EFTUD2: variants seen among roughly 807,000 people sequenced by gnomAD.
EFTUD2 encodes 116 kDa U5 small nuclear ribonucleoprotein component.
Under a neutral mutation model 114.3 loss-of-function variants are expected in EFTUD2, and 9 were observed. The ratio of observed to expected loss-of-function variants is 0.08; its 90% CI spans 0.05 to 0.14. The LOEUF (loss-of-function observed/expected upper bound fraction) is 0.14, where lower values mean the gene tolerates loss of function less well. EFTUD2 is among the 10% of genes least tolerant of loss of function. The probability of loss-of-function intolerance (pLI) is 1.00; values close to 1 mark genes in which losing one functional copy is unlikely to be tolerated. For synonymous variants in EFTUD2, 449 were observed against 462.3 expected (o/e 0.97, Z 0.37); for missense variants, 765 against 1,241.2 (o/e 0.62, Z 5.76).
chr17:44,875,895 C>A, intron 10 of EFTUD2, 39 bp downstream of exon 10: 1 of 1,600,366 alleles, frequency 6.2e-7, no homozygotes, highest in Non-Finnish European at 8.5e-7. Context: ...AAACCCAGAG[C>A]CTCCGAGGAC....
At chr17:44,898,569 TTTC>T (rs1427731254) in intron 1 of EFTUD2, among the ~76,000 whole-genome samples, 3 of 152,234 alleles carry the variant, frequency 2.0e-5, no homozygotes, top group African/African-American at 7.2e-5. Context: ...GCCAAGCTCA[TTTC>T]TGCCTCAGGG....
rs746620255 is a variant in EFTUD2, at chr17:44,854,399, C to T, written c.2260-43G>A. The T allele has an allele frequency of 5.2e-5, 83 of 1,599,982 alleles. No homozygotes were observed. In the Middle Eastern group the frequency reaches 6.7e-4, roughly 13 times the overall value. ...GCCTCCTTAGCAGTCGCCCTGGCAACGGCTGAAGCATTTAGAGGGAGAAGA... is the reference window on the plus strand; with the variant it reads ...GCCTCCTTAGCAGTCGCCCTGGCAATGGCTGAAGCATTTAGAGGGAGAAGA... On this transcript the variant is annotated intron_variant, in intron 22 of 27. Transcript: ENST00000426333. The surrounding 1 kb of genome is among the most constrained non-coding windows in gnomAD (Gnocchi z 4.3).
chr17:44,899,078 G>A (rs1433122116), intron 1 of EFTUD2: 1 of 152,154 alleles, frequency 6.6e-6, no homozygotes, highest in South Asian at 2.1e-4. Context: ...AGTGAGCGAG[G>A]GGACTGGACA....
rs956964023 is a variant in EFTUD2 at position 44,876,312 on chromosome 17, C to A, written c.703-212G>T. ...CTTGCAGGATTGAGAAATGAATAAA[C>A]CCATGAACAATGATGTTGGGAGCCA... On this transcript the variant is annotated intron_variant, in intron 9 of 27. Coordinates refer to ENST00000426333, the MANE Select transcript of EFTUD2 (RefSeq NM_004247.4). Among the ~76,000 whole-genome samples the A allele has an allele frequency of 1.3e-5, 2 of 152,248 alleles. 1 individual carries two copies. The highest frequency in any genetic ancestry group is 4.1e-4 in the South Asian group (2 of 4,824).
chr17:44,872,055 C>T (rs969157583), intron 11 of EFTUD2, among the ~76,000 whole-genome samples: 2 of 152,096 alleles, frequency 1.3e-5, no homozygotes, highest in African/African-American at 2.4e-5. Context: ...CTCAATTAGA[C>T]CCATGAAATT....
At chr17:44,868,480 C>T (rs2050790255) in intron 11 of EFTUD2, 130 bp from the exon 12 acceptor site, 2 of 794,726 alleles carry the variant, frequency 2.5e-6, no homozygotes, top group Non-Finnish European at 2.0e-6. Context: ...GCAGTTCCTT[C>T]TAACCAGAGA....
chr17:44,869,953 C>T (rs1474076188), intron 11 of EFTUD2, among the ~76,000 whole-genome samples: 2 of 152,148 alleles, frequency 1.3e-5, no homozygotes, highest in Non-Finnish European at 2.9e-5. Flanking sequence ...ATATTCCTAG[C>T]GAGAGCACAT....
intron 20 of EFTUD2, among the ~76,000 whole-genome samples, chr17:44,856,572 TCACACCTG>T (rs2050558533): frequency 6.6e-6 from 1 of 151,888 alleles, no homozygotes; most frequent in Non-Finnish European, 1.5e-5. Flanking sequence ...GCATGGTGGC[TCACACCTG>T]TAATCCCAAC....
intron 19 of EFTUD2, 148 bp downstream of exon 19, chr17:44,858,932 A>G: frequency 1.5e-6 from 1 of 647,330 alleles, no homozygotes. Context: ...CCAGTTCTCA[A>G]AAACCTTCCC....
chr17:44,873,216 A>G (rs899174679), intron 10 of EFTUD2: 1 of 152,254 alleles, frequency 6.6e-6, no homozygotes, highest in African/African-American at 2.4e-5. Context: ...TGGCTTATAA[A>G]GAACAGCCCT....
chr17:44,854,605 G>C lies in EFTUD2; in HGVS notation c.2210C>G (p.Pro737Arg), dbSNP rs1163806745. ...CAGAATGTTGGGGCCAGTCGCATCA[G>C]GGCCAAAAGCCCAGATGGAACGGGC... ...LAARSIWAFG[P>R]DATGPNILVD... Residue 737 changes from proline to arginine, a missense_variant, in exon 22 of 28, where the codon CCT becomes CGT. This residue lies in a region of EFTUD2 where 166 missense variants were observed against 401.5 expected (regional missense o/e 0.41). Coordinates refer to ENST00000426333, the MANE Select transcript of EFTUD2 (RefSeq NM_004247.4). The surrounding 1 kb of genome is among the most constrained non-coding windows in gnomAD (Gnocchi z 4.3). 6.2e-7 allele frequency: 1 copy of C among 1,614,064 alleles called. No homozygotes were observed. The highest frequency in any genetic ancestry group is 8.5e-7 in the Non-Finnish European group (1 of 1,180,030).
intron 20 of EFTUD2, among the ~76,000 whole-genome samples, chr17:44,856,074 T>C (rs1401789686): frequency 7.4e-6 from 1 of 135,960 alleles, no homozygotes; most frequent in Non-Finnish European, 1.5e-5. Context: ...GAGGCTGCAG[T>C]GACCCATGGT....
intron 9 of EFTUD2, among the ~76,000 whole-genome samples, chr17:44,877,349 C>T (rs964891784): frequency 2.6e-5 from 4 of 152,150 alleles, no homozygotes; most frequent in African/African-American, 9.7e-5. Context: ...TGGAATCAGC[C>T]TGAAGGAGCT....
chr17:44,874,746 A>G (rs939570279), intron 10 of EFTUD2, among the ~76,000 whole-genome samples: 5 of 152,210 alleles, frequency 3.3e-5, no homozygotes, highest in Non-Finnish European at 5.9e-5. Context: ...CCCTAAATCC[A>G]TCTTGTTGAG....
intron 20 of EFTUD2, 108 bp downstream of exon 20, chr17:44,856,967 T>C (rs1003572613): frequency 1.1e-6 from 1 of 891,686 alleles, no homozygotes; most frequent in Non-Finnish European, 1.8e-6. Context: ...TTCTGAGCTG[T>C]AGAGGTCTCT....
chr17:44,864,852 G>A lies in EFTUD2; in HGVS notation c.1285+78C>T, dbSNP rs190618307. ...CCTCAGATTTCTGACCTCCATCGCT[G>A]GGTGAGAAAAAATTGCTGTGATACC... On this transcript the variant is annotated intron_variant, in intron 14 of 27. Transcript: ENST00000426333. The A allele has an allele frequency of 2.3e-3, 3,594 of 1,563,206 alleles. 15 individuals are homozygous for A. Among genetic ancestry groups the A allele is most frequent in the Non-Finnish European group, 2.4e-3 (2,747 of 1,149,810 alleles).
chr17:44,888,349 A>G (rs937147562), intron 2 of EFTUD2, among the ~76,000 whole-genome samples: 3 of 152,210 alleles, frequency 2.0e-5, no homozygotes, highest in Non-Finnish European at 2.9e-5. Flanking sequence ...TAAACATCCT[A>G]CAACACACAG....
chr17:44,850,430 CT>C lies in EFTUD2; in HGVS notation c.*843del. 1 of 1,486,848 alleles carries C rather than the reference CT, an allele frequency of 6.7e-7. No individual in the cohort carries two copies. Among genetic ancestry groups the C allele is most frequent in the Non-Finnish European group, 9.4e-7 (1 of 1,068,368 alleles). The allele number at this position is 1,486,848 out of a possible 1,614,324, so 92.1% of individuals were successfully genotyped here. The stretch of plus-strand genomic sequence containing the variant: ...TAGGAGCCGGGGCTGTCCAACTCCC[CT>C]AACTCAATCCCTGGTACATTCCTAA... On this transcript the variant is annotated 3_prime_UTR_variant, in exon 28 of 28. Coordinates refer to ENST00000426333, the MANE Select transcript of EFTUD2 (RefSeq NM_004247.4).
Position 44,854,760 on chromosome 17 carries a change from T to C in EFTUD2, c.2133-78A>G. 6.3e-7 allele frequency: 1 copy of C among 1,585,002 alleles called. No individual in the cohort carries two copies. Among genetic ancestry groups the C allele is most frequent in the Non-Finnish European group, 8.6e-7 (1 of 1,162,530 alleles). On this transcript the variant is annotated intron_variant, in intron 21 of 27. Coordinates refer to ENST00000426333, the MANE Select transcript of EFTUD2 (RefSeq NM_004247.4). The surrounding 1 kb of genome is among the most constrained non-coding windows in gnomAD (Gnocchi z 4.3). Reference sequence around the variant, plus strand: ...CCTGGAGCCACAGACCCTCCCTTCCTGGAAGACAGTCACTTCATCCTACCC... The same window carrying C: ...CCTGGAGCCACAGACCCTCCCTTCCCGGAAGACAGTCACTTCATCCTACCC...
Sources: gnomAD v4.1 joint callset for allele counts (sites outside exome capture counted in the v4.1 genomes callset) on GRCh38, gnomAD v4.1.1 for gene constraint, gnomAD v4.1.1 regional missense constraint, Gnocchi (gnomAD v3.1) non-coding constraint, MANE v1.5 for transcripts, NCBI Gene and HGNC (gene_info 2026-07-23, HGNC 2026-07-21) for gene names.